BBX: variants seen among roughly 807,000 people sequenced by gnomAD.
BBX encodes the protein BBX high mobility group box domain containing.
BBX carries 30 observed loss-of-function variants against 100.2 expected under a neutral mutation model. The observed-to-expected ratio is 0.30, with a 90% CI of 0.22 to 0.41. BBX has a LOEUF of 0.41. BBX is among the 10% of genes least tolerant of loss of function. The probability of loss-of-function intolerance (pLI) is 1.00; values close to 1 mark genes in which losing one functional copy is unlikely to be tolerated. For synonymous variants in BBX, 376 were observed against 388.1 expected, an observed-to-expected ratio of 0.97 and a Z score of 0.37; for missense variants, 1,023 against 1,129.8, an observed-to-expected ratio of 0.91 and a Z score of 1.35.
chr3:107,668,742 G>A (rs2058876563), intron 3 of BBX, among the ~76,000 whole-genome samples: 1 of 152,162 alleles, frequency 6.6e-6, no homozygotes, highest in South Asian at 2.1e-4. Flanking sequence ...ATTGATTTGA[G>A]TACGTTTCCT....
rs2071269649 is a variant in BBX at position 107,811,198 on chromosome 3, T to G, written c.*5741T>G. On this transcript the variant is annotated 3_prime_UTR_variant, in exon 18 of 18. Transcript: ENST00000325805. ...AATATTTAATAAAACTTTGAAATATTTTAAAGATATTATTCAAATATATTT... is the reference window on the plus strand; with the variant it reads ...AATATTTAATAAAACTTTGAAATATGTTAAAGATATTATTCAAATATATTT... 1 of 152,234 alleles carries G rather than the reference T, an allele frequency of 6.6e-6. No homozygotes were observed. Among genetic ancestry groups the G allele is most frequent in the Non-Finnish European group, 1.5e-5 (1 of 68,034 alleles). The allele number at this position is 152,234 out of a possible 1,614,324, so 9.4% of individuals were successfully genotyped here. A position where few individuals can be genotyped will look rare whatever the true frequency, so the allele number is the denominator to read the frequency against.
chr3:107,578,312 A>G (rs1231681459), intron 2 of BBX, among the ~76,000 whole-genome samples: 1 of 152,200 alleles, frequency 6.6e-6, no homozygotes, highest in South Asian at 2.1e-4. Flanking sequence ...TTTCCAGGCA[A>G]CAGCAAGGAG....
intron 5 of BBX, among the ~76,000 whole-genome samples, chr3:107,725,993 T>G (rs1470239752): frequency 6.6e-6 from 1 of 152,010 alleles, no homozygotes; most frequent in Non-Finnish European, 1.5e-5. Context: ...GAGCTTCTCC[T>G]CCCACCATCA....
chr3:107,625,312 C>A (rs942833388), intron 2 of BBX, among the ~76,000 whole-genome samples: 4 of 152,182 alleles, frequency 2.6e-5, no homozygotes, highest in African/African-American at 9.7e-5. Flanking sequence ...GAGTCTCACT[C>A]TGTCTCCCAG....
intron 2 of BBX, among the ~76,000 whole-genome samples, chr3:107,605,999 T>A (rs1489174136): frequency 6.6e-6 from 1 of 152,162 alleles, no homozygotes; most frequent in Non-Finnish European, 1.5e-5. Flanking sequence ...TTCGAAAAGC[T>A]CCAATGATAT....
chr3:107,738,084 A>G (rs2063787866), intron 7 of BBX, among the ~76,000 whole-genome samples: 1 of 150,922 alleles, frequency 6.6e-6, no homozygotes, highest in East Asian at 1.9e-4. Flanking sequence ...TAATAAATAT[A>G]TTTTGCCTTG....
intron 2 of BBX, among the ~76,000 whole-genome samples, chr3:107,550,814 G>C (rs914261039): frequency 6.6e-6 from 1 of 152,178 alleles, no homozygotes; most frequent in African/African-American, 2.4e-5. Flanking sequence ...AGAGCTGGAA[G>C]TAATTACTCA....
chr3:107,587,387 C>T (rs1350270008), intron 2 of BBX, among the ~76,000 whole-genome samples: 1 of 150,208 alleles, frequency 6.7e-6, no homozygotes. Flanking sequence ...TTTTGGTAAG[C>T]TTTTGAGAAT....
At chr3:107,659,825 G>A (rs1375260239) in intron 3 of BBX, 2 of 1,065,806 alleles carry the variant, frequency 1.9e-6, no homozygotes, top group African/African-American at 3.3e-5. Flanking sequence ...TAGAAATGCT[G>A]TTCTAGAAAT....
intron 3 of BBX, among the ~76,000 whole-genome samples, chr3:107,657,575 G>T (rs971936000): frequency 2.0e-5 from 3 of 152,056 alleles, no homozygotes; most frequent in Admixed American, 2.0e-4. Context: ...GCAATGGAGG[G>T]TATTTAAAAG....
intron 2 of BBX, among the ~76,000 whole-genome samples, chr3:107,582,665 C>T (rs1202166261): frequency 6.6e-6 from 1 of 151,964 alleles, no homozygotes; most frequent in Non-Finnish European, 1.5e-5. Flanking sequence ...AAAAGTAGTA[C>T]TTCCTGTGTT....
At chr3:107,656,282 C>T (rs571458889) in intron 3 of BBX, among the ~76,000 whole-genome samples, 37 of 152,076 alleles carry the variant, frequency 2.4e-4, no homozygotes, top group Non-Finnish European at 4.3e-4. Context: ...GTCTTTGTCC[C>T]GTGTATCAAT....
intron 2 of BBX, among the ~76,000 whole-genome samples, chr3:107,573,288 G>A (rs979179702): frequency 2.6e-5 from 4 of 152,214 alleles, no homozygotes; most frequent in East Asian, 3.9e-4. Flanking sequence ...GGCTGGGTGC[G>A]GTGGCTCACG....
chr3:107,778,672 C>T (rs2067529297), intron 13 of BBX, among the ~76,000 whole-genome samples, 153 bp downstream of exon 13: 2 of 151,976 alleles, frequency 1.3e-5, no homozygotes, highest in Non-Finnish European at 1.5e-5. Context: ...TATCTTTGTC[C>T]CTTTTTTTCT....
chr3:107,568,187 C>A lies in BBX; in HGVS notation c.-84+41789C>A, dbSNP rs142427646. On this transcript the variant is annotated intron_variant, in intron 2 of 17. Coordinates refer to ENST00000325805, the MANE Select transcript of BBX (RefSeq NM_001142568.3). ...TAGGTGTTTTTGTTTTTAATTTATC[C>A]CAATTGGCAGCCTCCTTTCAATGTG... is the stretch of plus-strand genomic sequence containing the variant. Among the ~76,000 whole-genome samples the A allele has an allele frequency of 5.8e-3, 883 of 151,508 alleles. 1 individual carries two copies. Among genetic ancestry groups the A allele is most frequent in the Middle Eastern group, 0.01 (3 of 292 alleles).
chr3:107,727,594 CTT>C (rs2063047199), intron 5 of BBX, among the ~76,000 whole-genome samples: 1 of 152,000 alleles, frequency 6.6e-6, no homozygotes, highest in African/African-American at 2.4e-5. Context: ...TATTCAGAAA[CTT>C]TGAGTTAAGA....
At chr3:107,690,977 G>A (rs1409247384) in intron 3 of BBX, among the ~76,000 whole-genome samples, 1 of 122,840 alleles carries the variant, frequency 8.1e-6, no homozygotes, top group Non-Finnish European at 1.6e-5. Context: ...ACAGCTCATT[G>A]CACCCTCTAC....
At chr3:107,558,394 A>G (rs1157203282) in intron 2 of BBX, among the ~76,000 whole-genome samples, 2 of 152,164 alleles carry the variant, frequency 1.3e-5, no homozygotes, top group Non-Finnish European at 2.9e-5. Context: ...AGGTTGAGGC[A>G]GGAGAATCGC....
At chr3:107,557,879 A>G (rs2050196581) in intron 2 of BBX, among the ~76,000 whole-genome samples, 1 of 152,216 alleles carries the variant, frequency 6.6e-6, no homozygotes, top group South Asian at 2.1e-4. Flanking sequence ...TGGTCAAGGA[A>G]TGTTTAGTAA....
Sources: gnomAD v4.1 joint callset for allele counts (sites outside exome capture counted in the v4.1 genomes callset) on GRCh38, gnomAD v4.1.1 for gene constraint, MANE v1.5 for transcripts, NCBI Gene and HGNC (gene_info 2026-07-23, HGNC 2026-07-21) for gene names.